ABCA12: variants seen among roughly 807,000 people sequenced by gnomAD.
The protein encoded by ABCA12 is ATP binding cassette subfamily A member 12, also known as glucosylceramide transporter ABCA12.
ABCA12 carries 156 observed loss-of-function variants against 293.5 expected under a neutral mutation model. That is an observed-to-expected ratio of 0.53 (90% CI 0.47 to 0.61). The LOEUF (loss-of-function observed/expected upper bound fraction) is 0.61. ABCA12 is among the 20% of genes least tolerant of loss of function. ABCA12 has a pLI of 0.00. For missense variants in ABCA12, 2,797 were observed against 3,090.2 expected (o/e 0.91, Z 2.25); for synonymous variants, 1,063 against 1,108.0 (o/e 0.96, Z 0.81).
At chr2:214,980,669 G>A in intron 30 of ABCA12, 26 bp from the exon 31 acceptor site, 1 of 1,613,820 alleles carries the variant, frequency 6.2e-7, no homozygotes, top group Non-Finnish European at 8.5e-7. Flanking sequence ...AAGAACAACA[G>A]GGAATGAAAC....
chr2:215,011,934 A>AT (rs775731395), intron 16 of ABCA12, 37 bp downstream of exon 16: 1 of 1,607,170 alleles, frequency 6.2e-7, no homozygotes, highest in African/African-American at 1.3e-5. Flanking sequence ...GACAGAAGGC[A>AT]TTTTTCAACA....
chr2:215,135,492 C>T (rs1703206026), intron 1 of ABCA12, among the ~76,000 whole-genome samples: 2 of 152,114 alleles, frequency 1.3e-5, no homozygotes, highest in South Asian at 4.1e-4. Flanking sequence ...TTTTTCTTTA[C>T]CATTAAGTAA....
At chr2:215,011,382 A>G (rs1283587878) in intron 17 of ABCA12, 57 bp downstream of exon 17, 2 of 1,262,990 alleles carry the variant, frequency 1.6e-6, no homozygotes, top group African/African-American at 1.5e-5. Context: ...GACAGAATAG[A>G]CAGTATTCTT....
At chr2:215,044,524 G>A (rs902869771) in intron 7 of ABCA12, 2 of 152,148 alleles carry the variant, frequency 1.3e-5, no homozygotes, top group Non-Finnish European at 2.9e-5. Context: ...CTGAGTGAGT[G>A]AAAATTTCCC....
intron 2 of ABCA12, among the ~76,000 whole-genome samples, chr2:215,110,274 G>T (rs1702544847): frequency 6.6e-6 from 1 of 152,200 alleles, no homozygotes. Flanking sequence ...ACTTTGGGAG[G>T]CCGAGGTGGG....
chr2:215,110,311 C>A (rs1200965118), intron 2 of ABCA12, among the ~76,000 whole-genome samples: 1 of 152,118 alleles, frequency 6.6e-6, no homozygotes, highest in Non-Finnish European at 1.5e-5. Flanking sequence ...GAGATCAAGA[C>A]CATCCCGGCT....
At position 214,987,654 on chromosome 2, in the gene ABCA12, T is replaced by C; in HGVS notation, c.3969A>G (p.Pro1323=). The change falls in exon 27 of 53, where the codon CCA becomes CCG. Residue 1323 remains proline (P), a synonymous_variant. Coordinates refer to ENST00000272895, the MANE Select transcript of ABCA12 (RefSeq NM_173076.3). ...TTGACCGACTTGTCTTACTGGCAGA[T>C]GGGTTGGTGTTCTGCATCATGATGT... ...FTNIMMQNTN[P]SASPEYMFSS... The C allele has an allele frequency of 1.2e-6, 2 of 1,612,190 alleles. No homozygotes were observed. Among genetic ancestry groups the C allele is most frequent in the Non-Finnish European group, 1.7e-6 (2 of 1,178,530 alleles).
Position 214,945,081 on chromosome 2 carries a change from A to T in ABCA12, c.7263T>A (p.Asp2421Glu), listed in dbSNP as rs1698539807. 6.2e-7 allele frequency: 1 copy of T among 1,613,502 alleles called. No individual in the cohort carries two copies. The highest frequency in any genetic ancestry group is 1.1e-5 in the South Asian group (1 of 91,048). ...TCCAGAGGTGCCGTTTCGACTTCGG[A>T]TCCATGCCAGAGCTCGGCTCATCCT... Reference protein sequence around the residue: ...LLLDEPSSGMDPKSKRHLWKI... With the variant: ...LLLDEPSSGMEPKSKRHLWKI... The change falls in exon 49 of 53, where the codon GAT (aspartate) becomes GAA (glutamate). Residue 2421 changes from aspartate (D) to glutamate (E), a missense_variant. Around this residue, in one of 3 missense-constraint regions of ABCA12, gnomAD observed 2,130 missense variants for 2,427.0 expected, o/e 0.88. Transcript: ENST00000272895.
chr2:215,090,478 C>T lies in ABCA12; in HGVS notation c.163+21119G>A, dbSNP rs545392302. Among the ~76,000 whole-genome samples the T allele has an allele frequency of 4.6e-5, 7 of 152,302 alleles. No individual in the cohort carries two copies. The East Asian group carries it at 1.4e-3, about 29-fold the overall frequency. On this transcript the variant is annotated intron_variant, in intron 2 of 52. Transcript: ENST00000272895. Reference sequence around the variant, plus strand: ...GCTTCTTTTTATTCTCTTCTCTAACCTCTCTTGCTATCCCTCCACCCTTCA... The same window carrying T: ...GCTTCTTTTTATTCTCTTCTCTAACTTCTCTTGCTATCCCTCCACCCTTCA...
At chr2:215,036,518 T>C (rs1700993622) in intron 8 of ABCA12, among the ~76,000 whole-genome samples, 4 of 152,162 alleles carry the variant, frequency 2.6e-5, no homozygotes, top group African/African-American at 9.7e-5. Context: ...CCATTCTAGA[T>C]ATGCCAAAGG....
At chr2:215,053,658 C>T (rs1017059006) in intron 4 of ABCA12, among the ~76,000 whole-genome samples, 1 of 151,930 alleles carries the variant, frequency 6.6e-6, no homozygotes, top group Non-Finnish European at 1.5e-5. Context: ...GCTCCATCAA[C>T]TTGCATTGGA....
rs1161603641 is a variant in ABCA12, at chr2:215,134,599, CTA to C, written c.69+3539_69+3540del. Among the ~76,000 whole-genome samples the C allele has an allele frequency of 3.9e-3, 333 of 85,178 alleles. 20 individuals are homozygous for C. The highest frequency in any genetic ancestry group is 0.016 in the African/African-American group (211 of 13,012). 55.9% of individuals were successfully genotyped at this position (85,178 alleles called of 152,430 possible). A position where few individuals can be genotyped will look rare whatever the true frequency, so the allele number is the denominator to read the frequency against. ...ATAATCTCTCTCTCTCTCTCTCTCT[CTA>C]TATATATATATATATAGAGAGAGAG... is the stretch of plus-strand genomic sequence containing the variant. On this transcript the variant is annotated intron_variant, in intron 1 of 52. Coordinates refer to ENST00000272895, the MANE Select transcript of ABCA12 (RefSeq NM_173076.3).
chr2:214,953,238 ATAAT>A (rs1698834877), intron 44 of ABCA12, among the ~76,000 whole-genome samples: 1 of 152,210 alleles, frequency 6.6e-6, no homozygotes, highest in Admixed American at 6.5e-5. Context: ...ATCTATGTAT[ATAAT>A]TAAACTAGTC....
At chr2:215,023,328 G>T (rs1700671621) in intron 11 of ABCA12, 1 of 152,140 alleles carries the variant, frequency 6.6e-6, no homozygotes, top group African/African-American at 2.4e-5. Flanking sequence ...TGTGGTCTAG[G>T]ACTGAATGGG....
chr2:215,081,039 T>C lies in ABCA12; in HGVS notation c.164-16820A>G, dbSNP rs990185736. Reference sequence around the variant, plus strand: ...TATTCATTTTTGCTTCCTATATTAATAGTTTTATGATGCCAGTTTCTGGCC... The same window carrying C: ...TATTCATTTTTGCTTCCTATATTAACAGTTTTATGATGCCAGTTTCTGGCC... On this transcript the variant is annotated intron_variant, in intron 2 of 52. Transcript: ENST00000272895. 8.5e-5 allele frequency among the ~76,000 whole-genome samples: 13 copies of C among 152,182 alleles called. No homozygotes were observed. In the South Asian group the frequency reaches 2.7e-3, roughly 32 times the overall value.
rs566465280 is a variant in ABCA12 at position 215,127,360 on chromosome 2, T to C, written c.69+10780A>G. On this transcript the variant is annotated intron_variant, in intron 1 of 52. Coordinates refer to ENST00000272895, the MANE Select transcript of ABCA12 (RefSeq NM_173076.3). The stretch of plus-strand genomic sequence containing the variant: ...TTTGTTTCTTTGTTGACTTTCTACC[T>C]TGATGACGTGTCTAATGCTGTCAGT... 2.6e-5 allele frequency among the ~76,000 whole-genome samples: 4 copies of C among 152,296 alleles called. No homozygotes were observed. In the East Asian group the frequency reaches 7.7e-4, roughly 29 times the overall value.
intron 44 of ABCA12, 73 bp from the exon 45 acceptor site, chr2:214,951,156 G>T: frequency 1.5e-6 from 2 of 1,325,378 alleles, no homozygotes; most frequent in Non-Finnish European, 2.2e-6. Flanking sequence ...TGTTTTGATG[G>T]GTTTTCATGT....
chr2:215,049,229 TA>T (rs1253979185), intron 6 of ABCA12, among the ~76,000 whole-genome samples: 2 of 152,112 alleles, frequency 1.3e-5, no homozygotes, highest in African/African-American at 4.8e-5. Context: ...GTGAGAAAAA[TA>T]AAAAGATTTT....
intron 14 of ABCA12, 82 bp from the exon 15 acceptor site, chr2:215,015,745 CT>C (rs1700480192): frequency 1.5e-6 from 2 of 1,351,600 alleles, no homozygotes; most frequent in Admixed American, 1.8e-5. Flanking sequence ...TCTGTATACT[CT>C]AAATTTTAAA....
Sources: gnomAD v4.1 joint callset for allele counts (sites outside exome capture counted in the v4.1 genomes callset) on GRCh38, gnomAD v4.1.1 for gene constraint, gnomAD v4.1.1 regional missense constraint, MANE v1.5 for transcripts, NCBI Gene and HGNC (gene_info 2026-07-23, HGNC 2026-07-21) for gene names.